LRRC49: variants seen among roughly 807,000 people sequenced by gnomAD.
LRRC49 encodes the protein leucine-rich repeat-containing protein 49.
A neutral mutation model predicts 83.3 loss-of-function variants in LRRC49; 50 were observed. The observed-to-expected ratio is 0.60, with a 90% confidence interval of 0.48 to 0.76. The LOEUF (loss-of-function observed/expected upper bound fraction) is 0.76. Among genes scored for constraint, LRRC49 ranks in the 30% least tolerant of loss-of-function variants. The probability of loss-of-function intolerance (pLI) is 0.00; values close to 1 mark genes in which losing one functional copy is unlikely to be tolerated. For missense variants in LRRC49, 704 were observed against 809.1 expected (o/e 0.87, Z 1.58); for synonymous variants, 286 against 283.3 (o/e 1.01, Z -0.10).
At chr15:70,981,265 G>C (rs1402829331) in intron 10 of LRRC49, among the ~76,000 whole-genome samples, 1 of 148,772 alleles carries the variant, frequency 6.7e-6, no homozygotes, top group Non-Finnish European at 1.5e-5. Flanking sequence ...AACACTGCAT[G>C]TTCTTACTCA....
intron 8 of LRRC49, among the ~76,000 whole-genome samples, chr15:70,950,268 T>C (rs2036170690): frequency 1.3e-5 from 2 of 152,294 alleles, no homozygotes; most frequent in Non-Finnish European, 2.9e-5. Context: ...GTGATTAACA[T>C]GTGTCTTTTT....
At chr15:71,027,483 C>G (rs180753664) in intron 14 of LRRC49, among the ~76,000 whole-genome samples, 2 of 152,132 alleles carry the variant, frequency 1.3e-5, no homozygotes, top group Admixed American at 6.6e-5. Context: ...TACAAGGAAA[C>G]TCACTGGTAG....
intron 11 of LRRC49, 49 bp from the exon 12 acceptor site, chr15:71,008,330 G>T (rs1430078439): frequency 9.5e-7 from 1 of 1,056,240 alleles, no homozygotes; most frequent in South Asian, 1.4e-5. Flanking sequence ...ATACTGTTAG[G>T]TATTCTGCAT....
intron 8 of LRRC49, among the ~76,000 whole-genome samples, chr15:70,941,627 A>G (rs1173488972): frequency 6.6e-6 from 1 of 152,126 alleles, no homozygotes; most frequent in East Asian, 1.9e-4. Context: ...AAGCAAAAAA[A>G]TCTAATGGAT....
chr15:70,944,256 G>T (rs552290949), intron 8 of LRRC49, among the ~76,000 whole-genome samples: 175 of 152,250 alleles, frequency 1.1e-3, no homozygotes, highest in South Asian at 1.9e-3. Flanking sequence ...CTGAGACCTT[G>T]TCTTCCTAAT....
intron 15 of LRRC49, among the ~76,000 whole-genome samples, chr15:71,038,224 G>A (rs2039585637): frequency 6.6e-6 from 1 of 152,108 alleles, no homozygotes; most frequent in Non-Finnish European, 1.5e-5. Flanking sequence ...ATCTACATAT[G>A]TATCTCTAGA....
At chr15:71,029,557 T>C (rs2039282973) in intron 14 of LRRC49, among the ~76,000 whole-genome samples, 3 of 152,174 alleles carry the variant, frequency 2.0e-5, no homozygotes, top group Admixed American at 6.5e-5. Flanking sequence ...AGAGCTGAGT[T>C]CAAATCCTGA....
intron 2 of LRRC49, among the ~76,000 whole-genome samples, chr15:70,884,342 A>G (rs544395067): frequency 6.6e-6 from 1 of 152,084 alleles, no homozygotes; most frequent in African/African-American, 2.4e-5. Context: ...AGATCAGCCT[A>G]GCCAACATCG....
At chr15:70,966,564 T>A (rs2036801822) in intron 9 of LRRC49, among the ~76,000 whole-genome samples, 1 of 152,174 alleles carries the variant, frequency 6.6e-6, no homozygotes, top group African/African-American at 2.4e-5. Context: ...GTTCTACACA[T>A]TCCATTGATA....
At chr15:71,015,078 A>G (rs1393810252) in intron 14 of LRRC49, among the ~76,000 whole-genome samples, 1 of 152,208 alleles carries the variant, frequency 6.6e-6, no homozygotes, top group African/African-American at 2.4e-5. Context: ...TTAGAAAATA[A>G]TGGGTCAGGA....
At chr15:70,859,845 T>A (rs956901744) in intron 1 of LRRC49, 7 of 766,168 alleles carry the variant, frequency 9.1e-6, no homozygotes, top group African/African-American at 6.8e-5. Context: ...CAGGAGCTGA[T>A]GAATGTCAAG....
chr15:70,926,501 C>G (rs1368733430), intron 7 of LRRC49, among the ~76,000 whole-genome samples: 1 of 151,976 alleles, frequency 6.6e-6, no homozygotes, highest in Non-Finnish European at 1.5e-5. Context: ...TAGAAACTAC[C>G]AGTTTTTTTG....
At chr15:70,996,332 A>T (rs1596117883) in intron 11 of LRRC49, among the ~76,000 whole-genome samples, 2 of 152,136 alleles carry the variant, frequency 1.3e-5, no homozygotes, top group East Asian at 3.9e-4. Flanking sequence ...TATTTCTAAA[A>T]GAACTTTTTA....
intron 14 of LRRC49, among the ~76,000 whole-genome samples, chr15:71,018,219 C>T (rs1403804228): frequency 6.6e-6 from 1 of 151,938 alleles, no homozygotes; most frequent in Admixed American, 6.6e-5. Context: ...TATGGAAACA[C>T]AGAAAGGGAA....
chr15:71,039,185 G>A (rs1225915088), intron 15 of LRRC49, among the ~76,000 whole-genome samples: 1 of 152,154 alleles, frequency 6.6e-6, no homozygotes, highest in Non-Finnish European at 1.5e-5. Context: ...AGAGGGCCAG[G>A]AACTATAAGC....
At chr15:70,914,527 G>A (rs1567049542) in intron 6 of LRRC49, among the ~76,000 whole-genome samples, 1 of 152,292 alleles carries the variant, frequency 6.6e-6, no homozygotes, top group East Asian at 1.9e-4. Flanking sequence ...TTGGCGAGAA[G>A]TGATGGTGGC....
chr15:70,980,143 G>C lies in LRRC49; in HGVS notation c.964G>C (p.Glu322Gln), dbSNP rs751427380. The change falls in exon 10 of 16, where the codon GAA (glutamate) becomes CAA (glutamine). Residue 322 changes from glutamate to glutamine, a missense_variant. This residue lies in a region of LRRC49 where 168 missense variants were observed against 140.6 expected (regional missense o/e 1.20). Coordinates refer to ENST00000260382, the MANE Select transcript of LRRC49 (RefSeq NM_017691.5). ...RMASVLAKKE[E>Q]EKKRESHKQS... is the part of the protein sequence containing the mutation. ...GGCATCTGTTTTAGCCAAAAAAGAG[G>C]AAGAGAAGAAGCGGGAAAGTCATAA... is the stretch of plus-strand genomic sequence containing the variant. 1 of 1,612,262 alleles carries C rather than the reference G, an allele frequency of 6.2e-7. No homozygotes were observed. Among genetic ancestry groups the C allele is most frequent in the East Asian group, 2.2e-5 (1 of 44,802 alleles).
chr15:70,890,002 A>G (rs2033510501), upstream of LRRC49, among the ~76,000 whole-genome samples: 1 of 152,232 alleles, frequency 6.6e-6, no homozygotes, highest in Admixed American at 6.5e-5. Context: ...TAATTCAGCA[A>G]GTATATTAAT....
At chr15:71,032,130 C>A (rs752039715) in intron 14 of LRRC49, among the ~76,000 whole-genome samples, 10 of 152,208 alleles carry the variant, frequency 6.6e-5, no homozygotes, top group Non-Finnish European at 8.8e-5. Context: ...GATGTAGGCA[C>A]ATGAGGGAAT....
Sources: gnomAD v4.1 joint callset for allele counts (sites outside exome capture counted in the v4.1 genomes callset) on GRCh38, gnomAD v4.1.1 for gene constraint, gnomAD v4.1.1 regional missense constraint, MANE v1.5 for transcripts, NCBI Gene and HGNC (gene_info 2026-07-23, HGNC 2026-07-21) for gene names.